Variants in TRPC4 observed in about 807,000 individuals in gnomAD.
TRPC4 encodes the protein short transient receptor potential channel 4.
A neutral mutation model predicts 99.4 loss-of-function variants in TRPC4; 49 were observed. The ratio of observed to expected loss-of-function variants is 0.49; its 90% CI spans 0.39 to 0.63. The LOEUF (loss-of-function observed/expected upper bound fraction) is 0.63. Among genes scored for constraint, TRPC4 ranks in the 20% least tolerant of loss-of-function variants. The probability of loss-of-function intolerance (pLI) is 0.00; values close to 1 mark genes in which losing one functional copy is unlikely to be tolerated. For missense variants in TRPC4, 898 were observed against 1,152.9 expected (o/e 0.78, Z 3.20); for synonymous variants, 454 against 425.9 (o/e 1.07, Z -0.81).
intron 1 of TRPC4, among the ~76,000 whole-genome samples, chr13:37,797,116 A>C (rs1159785317): frequency 6.6e-6 from 1 of 151,662 alleles, no homozygotes; most frequent in African/African-American, 2.4e-5. Flanking sequence ...GGAGGTCCAG[A>C]CTACAGTAAG....
In TRPC4 at chr13:37,632,921, C is replaced by T. The variant is rs1389371392; in HGVS notation, c.*3982G>A. ...AAGGGCAAAGAAGACAAAATGTTCC[C>T]CAAATAAAAAGTCAGTGGTCAAGGC... On this transcript the variant is annotated 3_prime_UTR_variant, in exon 11 of 11. Coordinates refer to ENST00000379705, the MANE Select transcript of TRPC4 (RefSeq NM_016179.4). Among the ~76,000 whole-genome samples, 1 of 151,988 alleles carries T rather than the reference C, an allele frequency of 6.6e-6. No homozygotes were observed. The highest frequency in any genetic ancestry group is 2.4e-5 in the African/African-American group (1 of 41,362).
chr13:37,676,267 GA>G (rs10710897), intron 4 of TRPC4, among the ~76,000 whole-genome samples: 68,406 of 128,110 alleles, frequency 0.53, 16,632 homozygotes, highest in East Asian at 0.76. Context: ...AAGCAGCCAA[GA>G]AAAAAAAAAA....
At chr13:37,713,642 T>C (rs747247559) in intron 3 of TRPC4, among the ~76,000 whole-genome samples, 11 of 152,132 alleles carry the variant, frequency 7.2e-5, no homozygotes, top group East Asian at 1.9e-4. Flanking sequence ...AAGAGTAATT[T>C]TACATAGGAT....
intron 2 of TRPC4, among the ~76,000 whole-genome samples, chr13:37,760,992 G>T (rs1001839503): frequency 6.6e-6 from 1 of 151,920 alleles, no homozygotes; most frequent in Non-Finnish European, 1.5e-5. Context: ...TTATAGAGTT[G>T]ACTTGAAAAG....
chr13:37,660,468 T>C (rs1952395889), intron 6 of TRPC4, among the ~76,000 whole-genome samples: 1 of 152,082 alleles, frequency 6.6e-6, no homozygotes, highest in Admixed American at 6.6e-5. Context: ...GGTGAGAAAA[T>C]AAGATATCTT....
At chr13:37,801,903 A>T (rs1957414395) in intron 1 of TRPC4, among the ~76,000 whole-genome samples, 2 of 152,124 alleles carry the variant, frequency 1.3e-5, no homozygotes, top group Non-Finnish European at 2.9e-5. Context: ...GAATCAACAA[A>T]AGAATAGAAC....
intron 1 of TRPC4, among the ~76,000 whole-genome samples, chr13:37,815,324 TA>T (rs1957819507): frequency 6.6e-6 from 1 of 151,148 alleles, no homozygotes; most frequent in African/African-American, 2.4e-5. Flanking sequence ...CAAAGAGGGG[TA>T]AGTTAGATAA....
chr13:37,654,865 G>T (rs1952172875), intron 7 of TRPC4, among the ~76,000 whole-genome samples: 1 of 152,044 alleles, frequency 6.6e-6, no homozygotes, highest in Non-Finnish European at 1.5e-5. Flanking sequence ...AAATGGATTT[G>T]GTTTATCTTT....
At chr13:37,638,071 G>T (rs905966571) in intron 10 of TRPC4, among the ~76,000 whole-genome samples, 1 of 152,094 alleles carries the variant, frequency 6.6e-6, no homozygotes, top group African/African-American at 2.4e-5. Context: ...GTAGTTACTT[G>T]CAGTTGTTTA....
intron 3 of TRPC4, among the ~76,000 whole-genome samples, chr13:37,716,970 A>G (rs894800141): frequency 6.6e-6 from 1 of 152,080 alleles, no homozygotes; most frequent in African/African-American, 2.4e-5. Flanking sequence ...GACTGAATAC[A>G]TGTTTATATA....
At position 37,795,551 on chromosome 13, in the gene TRPC4, A is replaced by G. The variant is rs79976307; in HGVS notation, c.-27-12191T>C. ...GGAGGAGGTGGAGCTTCACCTAAGT[A>G]TTTAACTATAAGCAGATATTTTCCC... On this transcript the variant is annotated intron_variant, in intron 1 of 10. Transcript: ENST00000379705. Among the ~76,000 whole-genome samples the G allele has an allele frequency of 8.5e-3, 1,287 of 152,274 alleles. 26 individuals carry two copies. In the East Asian group the frequency reaches 0.089, roughly 11 times the overall value.
At position 37,741,934 on chromosome 13, in the gene TRPC4, G is replaced by GAAA. The variant is rs369211542; in HGVS notation, c.897+4000_897+4002dup. The stretch of plus-strand genomic sequence containing the variant: ...CCCTCTGTGACTCCGATTTTTTCAT[G>GAAA]AAAAAAAAAAAACAGCAACAAATAG... On this transcript the variant is annotated intron_variant, in intron 3 of 10. Coordinates refer to ENST00000379705, the MANE Select transcript of TRPC4 (RefSeq NM_016179.4). Among the ~76,000 whole-genome samples, 615 of 145,764 alleles carry GAAA rather than the reference G, an allele frequency of 4.2e-3. 3 individuals carry two copies. The highest frequency in any genetic ancestry group is 0.012 in the African/African-American group (469 of 39,946).
At position 37,848,291 on chromosome 13, in the gene TRPC4, A is replaced by G. The variant is rs185478529; in HGVS notation, c.-28+21304T>C. On this transcript the variant is annotated intron_variant, in intron 1 of 10. Transcript: ENST00000379705. ...AATATCTTAAATGCATAAAATTATG[A>G]TTTATCAATCAAAAATAATATCAAT... Among the ~76,000 whole-genome samples, 19 of 152,282 alleles carry G rather than the reference A, an allele frequency of 1.2e-4. No homozygotes were observed. The East Asian group carries it at 3.5e-3, about 28-fold the overall frequency.
chr13:37,849,529 T>C (rs1959001366), intron 1 of TRPC4, among the ~76,000 whole-genome samples: 1 of 152,150 alleles, frequency 6.6e-6, no homozygotes, highest in South Asian at 2.1e-4. Context: ...ACCTCCCTTC[T>C]TGGACATGAC....
intron 2 of TRPC4, among the ~76,000 whole-genome samples, chr13:37,765,859 T>C (rs1193053624): frequency 2.0e-5 from 3 of 151,472 alleles, no homozygotes; most frequent in African/African-American, 7.3e-5. Flanking sequence ...TTCTCTTTTC[T>C]AGATATATTT....
At chr13:37,815,078 A>G (rs1000761718) in intron 1 of TRPC4, among the ~76,000 whole-genome samples, 1 of 151,802 alleles carries the variant, frequency 6.6e-6, no homozygotes, top group East Asian at 1.9e-4. Flanking sequence ...AATTTAATGG[A>G]AAAAAGATCT....
At chr13:37,717,133 A>G (rs1306890776) in intron 3 of TRPC4, among the ~76,000 whole-genome samples, 4 of 152,152 alleles carry the variant, frequency 2.6e-5, no homozygotes, top group African/African-American at 9.6e-5. Flanking sequence ...ACAGGGAGTT[A>G]TAAGGGAGAA....
chr13:37,684,304 A>G (rs1953377963), intron 4 of TRPC4, among the ~76,000 whole-genome samples: 1 of 152,194 alleles, frequency 6.6e-6, no homozygotes. Context: ...GGGTTTTGAC[A>G]CCATTATTTT....
intron 1 of TRPC4, among the ~76,000 whole-genome samples, chr13:37,842,345 A>ATT (rs1958761429): frequency 1.0e-5 from 1 of 96,548 alleles, no homozygotes; most frequent in East Asian, 3.5e-4. Context: ...CGTCTAGCCA[A>ATT]AAAAAAAAAA....
Sources: gnomAD v4.1 joint callset for allele counts (sites outside exome capture counted in the v4.1 genomes callset) on GRCh38, gnomAD v4.1.1 for gene constraint, MANE v1.5 for transcripts, NCBI Gene and HGNC (gene_info 2026-07-23, HGNC 2026-07-21) for gene names.